The following CSMD1 variants were observed in gnomAD, a reference collection of about 807,000 sequenced individuals.
The protein encoded by CSMD1 is CUB and Sushi multiple domains 1.
In CSMD1, 213 loss-of-function variants were observed where a neutral mutation model predicts 417.5. That is an observed-to-expected ratio of 0.51 (90% CI 0.46 to 0.57). CSMD1 has a LOEUF of 0.57. Ranked by LOEUF, CSMD1 falls within the 20% of genes least tolerant of loss-of-function variation. CSMD1 has a pLI of 0.00. For missense variants in CSMD1, 6,923 were observed against 4,529.7 expected (o/e 1.53, Z -15.17); for synonymous variants, 2,862 against 1,736.8 (o/e 1.65, Z -16.11).
At chr8:3,127,077 T>C (rs1817548758) in intron 41 of CSMD1, among the ~76,000 whole-genome samples, 1 of 152,178 alleles carries the variant, frequency 6.6e-6, no homozygotes, top group African/African-American at 2.4e-5. Flanking sequence ...AGGGAGAACA[T>C]CCGTCAACAA....
intron 3 of CSMD1, among the ~76,000 whole-genome samples, chr8:4,191,196 A>G (rs553164602): frequency 6.6e-6 from 1 of 152,188 alleles, no homozygotes; most frequent in East Asian, 1.9e-4. Flanking sequence ...GGAGATTGAG[A>G]CCATCCCGGC....
chr8:3,166,432 G>A (rs1234752799), intron 37 of CSMD1, among the ~76,000 whole-genome samples: 1 of 152,136 alleles, frequency 6.6e-6, no homozygotes, highest in African/African-American at 2.4e-5. Flanking sequence ...TACTCGGGAG[G>A]CTGAGGCAGG....
At chr8:3,081,095 C>G (rs1308740812) in intron 49 of CSMD1, among the ~76,000 whole-genome samples, 1 of 151,974 alleles carries the variant, frequency 6.6e-6, no homozygotes, top group South Asian at 2.1e-4. Context: ...GGTATTTTGC[C>G]CGGGTCCGAG....
chr8:4,766,077 A>AT (rs1420112703), intron 1 of CSMD1, among the ~76,000 whole-genome samples: 2 of 152,206 alleles, frequency 1.3e-5, no homozygotes, highest in African/African-American at 2.4e-5. Flanking sequence ...GAAGAAAGAC[A>AT]TTTTTTCAAA....
intron 1 of CSMD1, among the ~76,000 whole-genome samples, chr8:4,803,381 T>A (rs1271832242): frequency 1.3e-5 from 2 of 152,222 alleles, no homozygotes; most frequent in East Asian, 3.8e-4. Context: ...ACCAGTGATG[T>A]ACTCAACATA....
chr8:4,527,723 A>G (rs1447824809), intron 2 of CSMD1, among the ~76,000 whole-genome samples: 1 of 152,226 alleles, frequency 6.6e-6, no homozygotes, highest in African/African-American at 2.4e-5. Context: ...TACACTGATA[A>G]TGAAATGCAT....
At chr8:3,626,980 C>T (rs372295017) in intron 7 of CSMD1, among the ~76,000 whole-genome samples, 6 of 151,296 alleles carry the variant, frequency 4.0e-5, no homozygotes, top group African/African-American at 9.7e-5. Flanking sequence ...ATTTGTTTAC[C>T]ATAGTACGAT....
chr8:4,155,911 G>C (rs1296946713), intron 3 of CSMD1, among the ~76,000 whole-genome samples: 2 of 152,146 alleles, frequency 1.3e-5, no homozygotes, highest in Admixed American at 6.6e-5. Context: ...GCGGGAATGA[G>C]CTTTTGAGGA....
chr8:3,707,978 T>A (rs896973928), intron 7 of CSMD1, among the ~76,000 whole-genome samples: 1 of 152,190 alleles, frequency 6.6e-6, no homozygotes, highest in Non-Finnish European at 1.5e-5. Context: ...GACGTAGACA[T>A]TGCCCGAAAG....
chr8:4,967,730 C>T (rs537942708), intron 1 of CSMD1, among the ~76,000 whole-genome samples: 106 of 152,268 alleles, frequency 7.0e-4, no homozygotes, highest in Non-Finnish European at 8.5e-4. Flanking sequence ...GTTCACATAG[C>T]ATTAGTTCAT....
intron 10 of CSMD1, among the ~76,000 whole-genome samples, chr8:3,539,197 T>C (rs1798336206): frequency 6.6e-6 from 1 of 152,088 alleles, no homozygotes; most frequent in South Asian, 2.1e-4. Context: ...GTAATTTAGG[T>C]CTGGAAGGAT....
intron 3 of CSMD1, among the ~76,000 whole-genome samples, chr8:4,332,801 G>A (rs1213807667): frequency 6.6e-6 from 1 of 152,052 alleles, no homozygotes; most frequent in East Asian, 1.9e-4. Flanking sequence ...TATGTGTGGA[G>A]ACAGGAGAAG....
chr8:4,347,798 C>T (rs1022495707), intron 3 of CSMD1, among the ~76,000 whole-genome samples: 3 of 151,998 alleles, frequency 2.0e-5, no homozygotes, highest in Non-Finnish European at 2.9e-5. Flanking sequence ...TAAATAAAAT[C>T]TATAATCACT....
chr8:4,979,430 C>A (rs1810751166), intron 1 of CSMD1, among the ~76,000 whole-genome samples: 1 of 152,068 alleles, frequency 6.6e-6, no homozygotes, highest in South Asian at 2.1e-4. Flanking sequence ...GGAACTCGAG[C>A]TTACTTAGCC....
intron 1 of CSMD1, among the ~76,000 whole-genome samples, chr8:4,691,142 T>C (rs1320819604): frequency 6.6e-6 from 1 of 152,230 alleles, no homozygotes; most frequent in Non-Finnish European, 1.5e-5. Context: ...ACATTTTAAC[T>C]GCAAGGGAAG....
At chr8:3,952,704 A>G (rs1199524282) in intron 5 of CSMD1, among the ~76,000 whole-genome samples, 1 of 152,230 alleles carries the variant, frequency 6.6e-6, no homozygotes, top group African/African-American at 2.4e-5. Context: ...TTGTGAATAC[A>G]CTAGATGTCA....
chr8:3,822,337 C>T lies in CSMD1; in HGVS notation c.819-68295G>A, dbSNP rs115029449. ...GTTTTAAATATCCCTGAAATCTTGA[C>T]ATCAAGTACTTTAAAAGTCGTTGAA... On this transcript the variant is annotated intron_variant, in intron 5 of 69. Coordinates refer to ENST00000635120, the MANE Select transcript of CSMD1 (RefSeq NM_033225.6). Among the ~76,000 whole-genome samples the T allele has an allele frequency of 4.7e-3, 716 of 152,234 alleles. 10 individuals carry two copies. The highest frequency in any genetic ancestry group is 0.016 in the African/African-American group (679 of 41,532).
At chr8:4,815,566 C>T (rs1563476126) in intron 1 of CSMD1, among the ~76,000 whole-genome samples, 3 of 151,798 alleles carry the variant, frequency 2.0e-5, no homozygotes, top group Admixed American at 6.6e-5. Flanking sequence ...CATGGTGACA[C>T]ATGCCTGTAA....
intron 7 of CSMD1, among the ~76,000 whole-genome samples, chr8:3,637,734 TG>T (rs1797119489): frequency 1.3e-5 from 2 of 152,322 alleles, no homozygotes; most frequent in East Asian, 3.9e-4. Flanking sequence ...GGTTTGGCTG[TG>T]TCCCCACCCA....
Sources: gnomAD v4.1 joint callset for allele counts (sites outside exome capture counted in the v4.1 genomes callset) on GRCh38, gnomAD v4.1.1 for gene constraint, MANE v1.5 for transcripts, NCBI Gene and HGNC (gene_info 2026-07-23, HGNC 2026-07-21) for gene names.